FHOD3: variants seen among roughly 807,000 people sequenced by gnomAD.
The protein encoded by FHOD3 is FH1/FH2 domain-containing protein 3.
FHOD3 carries 90 observed loss-of-function variants against 173.0 expected under a neutral mutation model. That is an observed-to-expected ratio of 0.52 (90% CI 0.44 to 0.62). The LOEUF (loss-of-function observed/expected upper bound fraction) is 0.62, where lower values mean the gene tolerates loss of function less well. Ranked by LOEUF, FHOD3 falls within the 20% of genes least tolerant of loss-of-function variation. The pLI, the probability that FHOD3 is intolerant of heterozygous loss-of-function variation, is 0.00. For synonymous variants in FHOD3, 828 were observed against 823.0 expected (o/e 1.01, Z -0.10); for missense variants, 1,945 against 2,034.7 (o/e 0.96, Z 0.85).
At chr18:36,344,663 G>A (rs2045795366) in intron 1 of FHOD3, among the ~76,000 whole-genome samples, 1 of 152,108 alleles carries the variant, frequency 6.6e-6, no homozygotes, top group Non-Finnish European at 1.5e-5. Flanking sequence ...ACTAGAACAT[G>A]CAGATTAAAT....
intron 5 of FHOD3, among the ~76,000 whole-genome samples, chr18:36,518,611 T>C (rs1193683615): frequency 6.6e-6 from 1 of 152,156 alleles, no homozygotes; most frequent in African/African-American, 2.4e-5. Context: ...GTGTGCCCTA[T>C]CTAACAGGTT....
In FHOD3 at chr18:36,780,032, A is replaced by G; in HGVS notation, c.*502A>G. On this transcript the variant is annotated 3_prime_UTR_variant, in exon 29 of 29. Transcript: ENST00000590592. The stretch of plus-strand genomic sequence containing the variant: ...CATACATGTACACCATGTTTCAAAT[A>G]CTAAATAAATAGAGTTTAATGCCAT... 2 of 749,762 alleles carry G rather than the reference A, an allele frequency of 2.7e-6. No individual in the cohort carries two copies. The highest frequency in any genetic ancestry group is 6.9e-5 in the South Asian group (1 of 14,532). The allele number at this position is 749,762 out of a possible 1,614,324, so 46.4% of individuals were successfully genotyped here.
chr18:36,301,002 A>G (rs1332182766), intron 1 of FHOD3, among the ~76,000 whole-genome samples: 2 of 152,166 alleles, frequency 1.3e-5, no homozygotes, highest in African/African-American at 4.8e-5. Context: ...TCGGCCTCCC[A>G]AAGTTCTGGG....
At chr18:36,309,661 C>T (rs1438661904) in intron 1 of FHOD3, among the ~76,000 whole-genome samples, 2 of 152,188 alleles carry the variant, frequency 1.3e-5, no homozygotes, top group South Asian at 2.1e-4. Context: ...GTTATCCAGT[C>T]TTCCTGCTGC....
chr18:36,499,478 C>T (rs990532110), intron 3 of FHOD3, among the ~76,000 whole-genome samples: 2 of 152,158 alleles, frequency 1.3e-5, no homozygotes, highest in Non-Finnish European at 2.9e-5. Context: ...AAATCTGGTC[C>T]ACTTCTTTGG....
At chr18:36,449,510 T>A (rs184144916) in intron 3 of FHOD3, among the ~76,000 whole-genome samples, 7 of 152,324 alleles carry the variant, frequency 4.6e-5, no homozygotes, top group African/African-American at 1.4e-4. Context: ...CAGGTCCATC[T>A]GACCCCAGAA....
At chr18:36,702,518 G>A (rs952994271) in intron 17 of FHOD3, among the ~76,000 whole-genome samples, 1 of 151,362 alleles carries the variant, frequency 6.6e-6, no homozygotes, top group Non-Finnish European at 1.5e-5. Flanking sequence ...CTCTGAGCTG[G>A]GGAGGTCCCT....
At chr18:36,658,969 A>G (rs2036602463) in intron 14 of FHOD3, among the ~76,000 whole-genome samples, 3 of 152,142 alleles carry the variant, frequency 2.0e-5, no homozygotes, top group Admixed American at 2.0e-4. Context: ...ATCTGGTGGA[A>G]GCTGTTAGTG....
At chr18:36,568,974 T>C (rs1406118437) in intron 5 of FHOD3, among the ~76,000 whole-genome samples, 1 of 151,996 alleles carries the variant, frequency 6.6e-6, no homozygotes, top group Non-Finnish European at 1.5e-5. Flanking sequence ...CTGAAATGAA[T>C]AGAAAGATGG....
At chr18:36,519,915 C>T (rs1218345798) in intron 5 of FHOD3, among the ~76,000 whole-genome samples, 1 of 148,436 alleles carries the variant, frequency 6.7e-6, no homozygotes, top group Non-Finnish European at 1.5e-5. Context: ...ATGCTTGTCT[C>T]TGGGTAACTT....
chr18:36,577,203 A>T (rs1024061678), intron 6 of FHOD3, among the ~76,000 whole-genome samples: 34 of 152,212 alleles, frequency 2.2e-4, no homozygotes, highest in Non-Finnish European at 5.9e-5. Flanking sequence ...GCATATTCCT[A>T]TATGGATAAA....
chr18:36,432,156 T>C (rs2147262899), intron 3 of FHOD3, among the ~76,000 whole-genome samples: 1 of 152,324 alleles, frequency 6.6e-6, no homozygotes, highest in South Asian at 2.1e-4. Context: ...CCATGCCATC[T>C]TGGAGATTTT....
rs1196359659 is a variant in FHOD3, at chr18:36,715,651, G to T, written c.2534-2181G>T. Among the ~76,000 whole-genome samples the T allele has an allele frequency of 2.0e-5, 3 of 152,274 alleles. No homozygotes were observed. The South Asian group carries it at 6.2e-4, about 32-fold the overall frequency. On this transcript the variant is annotated intron_variant, in intron 18 of 28. Coordinates refer to ENST00000590592, the MANE Select transcript of FHOD3 (RefSeq NM_001281740.3). ...ACATCCATGAAAAAGGCAATTTATTGAGTAATTATAATCATTTCAGTGATA... is the reference window on the plus strand; with the variant it reads ...ACATCCATGAAAAAGGCAATTTATTTAGTAATTATAATCATTTCAGTGATA...
chr18:36,418,573 A>G lies in FHOD3; in HGVS notation c.337+45829A>G, dbSNP rs552920363. 3.3e-5 allele frequency among the ~76,000 whole-genome samples: 5 copies of G among 152,218 alleles called. No homozygotes were observed. The South Asian group carries it at 1.0e-3, about 32-fold the overall frequency. The stretch of plus-strand genomic sequence containing the variant: ...ACATGGCAAAACGTTGACTTTTGCT[A>G]CTCAGTTTTTCTTATAGGTCACAGG... On this transcript the variant is annotated intron_variant, in intron 3 of 28. Transcript: ENST00000590592.
Position 36,406,617 on chromosome 18 carries a change from T to C in FHOD3, c.337+33873T>C, listed in dbSNP as rs113562079. Among the ~76,000 whole-genome samples the C allele has an allele frequency of 9.1e-3, 1,380 of 152,286 alleles. 22 individuals are homozygous for C. The highest frequency in any genetic ancestry group is 0.032 in the African/African-American group (1,319 of 41,546). ...CTGAGCCTATCAGTCATATTCACTT[T>C]AGAATGAATGAATTTGATCTGAGAT... On this transcript the variant is annotated intron_variant, in intron 3 of 28. Transcript: ENST00000590592.
chr18:36,439,049 C>T (rs1216960930), intron 3 of FHOD3, among the ~76,000 whole-genome samples: 8 of 151,758 alleles, frequency 5.3e-5, no homozygotes, highest in Non-Finnish European at 8.8e-5. Flanking sequence ...AAACTCTGGA[C>T]GAGAAAGAAT....
Position 36,780,094 on chromosome 18 carries a change from A to C in FHOD3, c.*564A>C. On this transcript the variant is annotated 3_prime_UTR_variant, in exon 29 of 29. Transcript: ENST00000590592. ...TTTATTCTTCTGGGAACAGGACCTT[A>C]AACAGTTCCACAGGCTCGCCTCTTC... 8.2e-7 allele frequency: 1 copy of C among 1,212,200 alleles called. No homozygotes were observed. The highest frequency in any genetic ancestry group is 1.0e-6 in the Non-Finnish European group (1 of 969,720). 75.1% of individuals were successfully genotyped at this position (1,212,200 alleles called of 1,614,324 possible).
intron 4 of FHOD3, among the ~76,000 whole-genome samples, chr18:36,507,719 T>C (rs1410683398): frequency 1.3e-5 from 2 of 152,306 alleles, no homozygotes; most frequent in Non-Finnish European, 2.9e-5. Context: ...AAAGCTCCAC[T>C]TCAGAGTATC....
chr18:36,642,164 G>A (rs1271819302), intron 10 of FHOD3, among the ~76,000 whole-genome samples: 1 of 152,046 alleles, frequency 6.6e-6, no homozygotes, highest in Non-Finnish European at 1.5e-5. Flanking sequence ...GGAACGAGAG[G>A]AAGAGAAAAA....
Sources: gnomAD v4.1 joint callset for allele counts (sites outside exome capture counted in the v4.1 genomes callset) on GRCh38, gnomAD v4.1.1 for gene constraint, MANE v1.5 for transcripts, NCBI Gene and HGNC (gene_info 2026-07-23, HGNC 2026-07-21) for gene names.